GTF2F2: variants seen among roughly 807,000 people sequenced by gnomAD.
GTF2F2 encodes the protein ATP-dependent helicase GTF2F2.
GTF2F2 carries 23 observed loss-of-function variants against 42.2 expected under a neutral mutation model. The ratio of observed to expected loss-of-function variants is 0.55; its 90% confidence interval spans 0.39 to 0.77. The LOEUF is 0.77. Among genes scored for constraint, GTF2F2 ranks in the 30% least tolerant of loss-of-function variants. The probability of loss-of-function intolerance (pLI) is 0.00; values close to 1 mark genes in which losing one functional copy is unlikely to be tolerated. For missense variants in GTF2F2, 261 were observed against 287.2 expected, an observed-to-expected ratio of 0.91 and a Z score of 0.66; for synonymous variants, 105 against 100.8, an observed-to-expected ratio of 1.04 and a Z score of -0.25.
intron 5 of GTF2F2, among the ~76,000 whole-genome samples, chr13:45,212,255 GTTT>G (rs927554175): frequency 6.6e-6 from 1 of 152,062 alleles, no homozygotes; most frequent in Non-Finnish European, 1.5e-5. Context: ...TCATATTCAA[GTTT>G]TTTTATTATC....
At position 45,213,037 on chromosome 13, in the gene GTF2F2, C is replaced by T. The variant is rs141643678; in HGVS notation, c.386+5532C>T. On this transcript the variant is annotated intron_variant, in intron 5 of 7. Coordinates refer to ENST00000340473, the MANE Select transcript of GTF2F2 (RefSeq NM_004128.3). Reference sequence around the variant, plus strand: ...GGTTACAGGCGTGAGCCACCATGCCCGGCTAATTTTATTTATTTATTTATT... The same window carrying T: ...GGTTACAGGCGTGAGCCACCATGCCTGGCTAATTTTATTTATTTATTTATT... Among the ~76,000 whole-genome samples the T allele has an allele frequency of 4.1e-3, 621 of 151,788 alleles. 9 individuals carry two copies. The highest frequency in any genetic ancestry group is 0.031 in the Admixed American group (472 of 15,242).
intron 5 of GTF2F2, chr13:45,219,737 TCTG>T (rs1301182148): frequency 6.6e-6 from 1 of 152,202 alleles, no homozygotes; most frequent in Admixed American, 6.5e-5. Context: ...GTTTTGAAGA[TCTG>T]CTAATCTATA....
chr13:45,247,907 ACATCT>A (rs1468865319), intron 5 of GTF2F2, among the ~76,000 whole-genome samples: 3 of 151,816 alleles, frequency 2.0e-5, no homozygotes, highest in Admixed American at 6.6e-5. Context: ...TGCAGTGGAG[ACATCT>A]CAGCTCACCA....
At chr13:45,145,388 G>A (rs9316120) in intron 2 of GTF2F2, among the ~76,000 whole-genome samples, 15,880 of 152,112 alleles carry the variant, frequency 0.1, 2,228 homozygotes, top group African/African-American at 0.32. Context: ...ATTTCTCCAA[G>A]GGGTTGGCCA....
At chr13:45,252,747 T>C (rs1185652053) in intron 5 of GTF2F2, 124 bp from the exon 6 acceptor site, 2 of 586,324 alleles carry the variant, frequency 3.4e-6, no homozygotes, top group Admixed American at 4.0e-5. Flanking sequence ...TTAAAGCTAG[T>C]GTATCCTCTG....
chr13:45,256,466 A>G, intron 6 of GTF2F2, among the ~76,000 whole-genome samples: 1 of 152,160 alleles, frequency 6.6e-6, no homozygotes, highest in East Asian at 1.9e-4. Flanking sequence ...AGTTCAAGAT[A>G]TCAACCTTTG....
chr13:45,205,174 A>C (rs914004002), intron 4 of GTF2F2, among the ~76,000 whole-genome samples: 1 of 152,208 alleles, frequency 6.6e-6, no homozygotes, highest in African/African-American at 2.4e-5. Context: ...TTTATAAAGG[A>C]AACAGGTTTA....
At chr13:45,245,707 A>G (rs1593515585) in intron 5 of GTF2F2, among the ~76,000 whole-genome samples, 2 of 73,486 alleles carry the variant, frequency 2.7e-5, no homozygotes, top group African/African-American at 2.0e-4. Context: ...ATATACATAT[A>G]CATACACACA....
intron 5 of GTF2F2, among the ~76,000 whole-genome samples, chr13:45,234,937 C>A (rs1304201981): frequency 7.0e-6 from 1 of 143,704 alleles, no homozygotes; most frequent in Non-Finnish European, 1.5e-5. Flanking sequence ...CCCAGCTATT[C>A]GGGAGGCCGA....
In GTF2F2 at chr13:45,245,710, T is replaced by TAC. The variant is rs1395400954; in HGVS notation, c.387-7146_387-7145dup. On this transcript the variant is annotated intron_variant, in intron 5 of 7. Coordinates refer to ENST00000340473, the MANE Select transcript of GTF2F2 (RefSeq NM_004128.3). ...ATATATATATATATATACATATACA[T>TAC]ACACACACACACACACCACATTTTG... 5.5e-4 allele frequency among the ~76,000 whole-genome samples: 77 copies of TAC among 139,728 alleles called. 2 individuals are homozygous for TAC. Among genetic ancestry groups the TAC allele is most frequent in the South Asian group, 2.8e-3 (12 of 4,324 alleles). 91.7% of individuals were successfully genotyped at this position (139,728 alleles called of 152,430 possible). A position where few individuals can be genotyped will look rare whatever the true frequency, so the allele number is the denominator to read the frequency against.
rs559653488 is a variant in GTF2F2 at position 45,244,933 on chromosome 13, G to A, written c.387-7938G>A. Among the ~76,000 whole-genome samples the A allele has an allele frequency of 5.3e-5, 8 of 152,282 alleles. No homozygotes were observed. The South Asian group carries it at 1.7e-3, about 32-fold the overall frequency. On this transcript the variant is annotated intron_variant, in intron 5 of 7. Coordinates refer to ENST00000340473, the MANE Select transcript of GTF2F2 (RefSeq NM_004128.3). Reference sequence around the variant, plus strand: ...GTGATTCGGCCTCCCAAAATGCTGGGATTACAGGCATGAGCCACCGTGCCC... The same window carrying A: ...GTGATTCGGCCTCCCAAAATGCTGGAATTACAGGCATGAGCCACCGTGCCC...
At chr13:45,177,522 G>GTA (rs1365327856) in intron 4 of GTF2F2, among the ~76,000 whole-genome samples, 5 of 152,138 alleles carry the variant, frequency 3.3e-5, no homozygotes, top group Admixed American at 3.3e-4. Flanking sequence ...TACCCATGCT[G>GTA]TATATGCTAC....
intron 7 of GTF2F2, among the ~76,000 whole-genome samples, chr13:45,276,117 A>G (rs1026412019): frequency 6.6e-6 from 1 of 152,248 alleles, no homozygotes; most frequent in African/African-American, 2.4e-5. Context: ...GTACAAATGC[A>G]TTAAGAAAAG....
intron 4 of GTF2F2, among the ~76,000 whole-genome samples, chr13:45,170,881 G>A (rs1447817141): frequency 6.6e-6 from 1 of 152,096 alleles, no homozygotes; most frequent in Middle Eastern, 3.2e-3. Flanking sequence ...GGTAGTAGCA[G>A]TGTGATCTGT....
rs551318636 is a variant in GTF2F2 at position 45,279,920 on chromosome 13, C to T, written c.631-3522C>T. On this transcript the variant is annotated intron_variant, in intron 7 of 7. Transcript: ENST00000340473. ...AACTCTGTTCCCACCGTCCCCCCGC[C>T]CCCCCCAAAAAAGGAGCATGTGATT... Among the ~76,000 whole-genome samples, 297 of 151,478 alleles carry T rather than the reference C, an allele frequency of 2.0e-3. 3 individuals carry two copies. The highest frequency in any genetic ancestry group is 6.8e-3 in the African/African-American group (280 of 41,312).
intron 6 of GTF2F2, among the ~76,000 whole-genome samples, chr13:45,259,814 C>T (rs1876260339): frequency 6.6e-6 from 1 of 151,978 alleles, no homozygotes; most frequent in Non-Finnish European, 1.5e-5. Flanking sequence ...CCCGCCACCA[C>T]ACCTGGCCAA....
intron 5 of GTF2F2, among the ~76,000 whole-genome samples, chr13:45,234,490 A>C (rs1240645895): frequency 6.6e-6 from 1 of 152,208 alleles, no homozygotes; most frequent in African/African-American, 2.4e-5. Flanking sequence ...GTTTGAATGG[A>C]ATCAGATATT....
chr13:45,267,776 G>C (rs1054212546), intron 7 of GTF2F2, among the ~76,000 whole-genome samples: 3 of 149,854 alleles, frequency 2.0e-5, no homozygotes, highest in Non-Finnish European at 4.4e-5. Context: ...ATTGTGGGAG[G>C]GTTTATCCCT....
At chr13:45,199,361 C>T (rs1303855599) in intron 4 of GTF2F2, among the ~76,000 whole-genome samples, 1 of 152,176 alleles carries the variant, frequency 6.6e-6, no homozygotes, top group African/African-American at 2.4e-5. Context: ...AAATTCCATT[C>T]CACATTTCTT....
Sources: allele counts gnomAD v4.1 joint callset (sites outside exome capture counted in the v4.1 genomes callset), GRCh38; gene constraint gnomAD v4.1.1; transcripts MANE v1.5; gene names NCBI Gene and HGNC (gene_info 2026-07-23, HGNC 2026-07-21).